The following CCBE1 variants were observed in gnomAD, a reference collection of about 807,000 sequenced individuals.
CCBE1 encodes the protein collagen and calcium binding EGF domains 1, also known as collagen and calcium-binding EGF domain-containing protein 1.
CCBE1 carries 37 observed loss-of-function variants against 50.0 expected under a neutral mutation model. The observed-to-expected ratio is 0.74, with a 90% CI of 0.57 to 0.97. The LOEUF is 0.97. Among genes scored for constraint, CCBE1 ranks in the 50% least tolerant of loss-of-function variants. The pLI, the probability that CCBE1 is intolerant of heterozygous loss-of-function variation, is 0.00. For synonymous variants in CCBE1, 234 were observed against 203.7 expected (o/e 1.15, Z -1.27); for missense variants, 538 against 523.8 (o/e 1.03, Z -0.26).
chr18:59,641,468 G>A (rs1457646882), intron 2 of CCBE1, among the ~76,000 whole-genome samples: 11 of 152,066 alleles, frequency 7.2e-5, no homozygotes, highest in Admixed American at 2.0e-4. Flanking sequence ...TGGGAGGAGG[G>A]TGAGGACCGA....
intron 2 of CCBE1, among the ~76,000 whole-genome samples, chr18:59,627,893 A>G: frequency 6.6e-6 from 1 of 152,204 alleles, no homozygotes; most frequent in East Asian, 1.9e-4. Context: ...AGGCATATTG[A>G]AAACCATACT....
At chr18:59,473,239 CTG>C (rs1912122560) in intron 3 of CCBE1, among the ~76,000 whole-genome samples, 1 of 152,264 alleles carries the variant, frequency 6.6e-6, no homozygotes, top group Non-Finnish European at 1.5e-5. Context: ...TACTGATAGT[CTG>C]TGTATATAAT....
intron 2 of CCBE1, among the ~76,000 whole-genome samples, chr18:59,551,697 C>G (rs909610203): frequency 1.3e-5 from 2 of 152,186 alleles, no homozygotes; most frequent in Non-Finnish European, 2.9e-5. Flanking sequence ...AAACTATTAA[C>G]ATTTCCAGTG....
intron 2 of CCBE1, among the ~76,000 whole-genome samples, chr18:59,693,003 C>CAAAAAAAA: frequency 6.8e-6 from 1 of 146,078 alleles, no homozygotes; most frequent in African/African-American, 2.6e-5. Flanking sequence ...CACACACACA[C>CAAAAAAAA]AAACAAAAAA....
chr18:59,673,702 T>A (rs951559529), intron 2 of CCBE1, among the ~76,000 whole-genome samples: 2 of 152,180 alleles, frequency 1.3e-5, no homozygotes, highest in African/African-American at 4.8e-5. Flanking sequence ...GAGATAATAA[T>A]GTGGTTTTTG....
At chr18:59,587,945 T>G (rs1180698059) in intron 2 of CCBE1, among the ~76,000 whole-genome samples, 5 of 152,160 alleles carry the variant, frequency 3.3e-5, no homozygotes, top group Admixed American at 1.3e-4. Flanking sequence ...AGAAAAGAAC[T>G]CTACAAAGAA....
At chr18:59,490,794 C>A (rs1913062869) in intron 2 of CCBE1, among the ~76,000 whole-genome samples, 1 of 152,170 alleles carries the variant, frequency 6.6e-6, no homozygotes, top group Non-Finnish European at 1.5e-5. Flanking sequence ...ATTAATTTTA[C>A]TTTTTTCACC....
At chr18:59,549,478 T>G (rs1195706820) in intron 2 of CCBE1, among the ~76,000 whole-genome samples, 1 of 152,154 alleles carries the variant, frequency 6.6e-6, no homozygotes, top group African/African-American at 2.4e-5. Flanking sequence ...ATTGCAGTAA[T>G]TGAAGCTGAT....
At chr18:59,587,594 G>C (rs961527755) in intron 2 of CCBE1, among the ~76,000 whole-genome samples, 1 of 152,154 alleles carries the variant, frequency 6.6e-6, no homozygotes. Context: ...GTCTGCTTAT[G>C]GTCTATAGGC....
At chr18:59,492,188 G>A (rs1004893330) in intron 2 of CCBE1, among the ~76,000 whole-genome samples, 7 of 149,796 alleles carry the variant, frequency 4.7e-5, no homozygotes, top group African/African-American at 1.7e-4. Context: ...TCTTGGTGTA[G>A]CCAGAGGTCT....
intron 2 of CCBE1, among the ~76,000 whole-genome samples, chr18:59,548,736 G>GAGGTGTTCAAT (rs11274505): frequency 0.66 from 99,304 of 151,314 alleles, 32,940 homozygotes; most frequent in East Asian, 0.79. Flanking sequence ...CAGATTACCT[G>GAGGTGTTCAAT]AGGTGTTCAA....
chr18:59,579,562 A>G (rs75578842), intron 2 of CCBE1, among the ~76,000 whole-genome samples: 6,946 of 152,256 alleles, frequency 0.046, 442 homozygotes, highest in African/African-American at 0.14. Flanking sequence ...TTTTAATCAG[A>G]TTTTATTTTG....
intron 2 of CCBE1, among the ~76,000 whole-genome samples, chr18:59,613,922 T>C (rs1388971698): frequency 3.7e-5 from 5 of 136,006 alleles, no homozygotes; most frequent in African/African-American, 1.3e-4. Context: ...TCACCCAGGC[T>C]GGAGTGCAAT....
At chr18:59,444,886 C>A (rs2143638940) in intron 7 of CCBE1, among the ~76,000 whole-genome samples, 1 of 152,152 alleles carries the variant, frequency 6.6e-6, no homozygotes, top group East Asian at 1.9e-4. Context: ...CTTTTCCCAT[C>A]TTTTTAATCA....
rs539795537 is a variant in CCBE1 at position 59,609,864 on chromosome 18, G to C, written c.212+86765C>G. 2.0e-5 allele frequency among the ~76,000 whole-genome samples: 3 copies of C among 152,250 alleles called. No homozygotes were observed. The East Asian group carries it at 5.8e-4, about 29-fold the overall frequency. ...TTCAAGATGATTGGGTAAGTACCAGGGATAATATTCAATGTGATTGGGCAA... is the reference window on the plus strand; with the variant it reads ...TTCAAGATGATTGGGTAAGTACCAGCGATAATATTCAATGTGATTGGGCAA... On this transcript the variant is annotated intron_variant, in intron 2 of 10. Coordinates refer to ENST00000439986, the MANE Select transcript of CCBE1 (RefSeq NM_133459.4).
intron 2 of CCBE1, among the ~76,000 whole-genome samples, chr18:59,491,344 G>A (rs1251964020): frequency 1.3e-5 from 2 of 152,138 alleles, no homozygotes; most frequent in African/African-American, 4.8e-5. Context: ...CTCACAGGGT[G>A]GATCCATTTG....
chr18:59,645,525 C>T (rs1435788434), intron 2 of CCBE1, among the ~76,000 whole-genome samples: 5 of 152,158 alleles, frequency 3.3e-5, no homozygotes. Context: ...TTCCTATATC[C>T]CATTCCATCA....
intron 2 of CCBE1, among the ~76,000 whole-genome samples, chr18:59,502,065 T>C (rs940858272): frequency 6.6e-6 from 1 of 152,170 alleles, no homozygotes; most frequent in African/African-American, 2.4e-5. Flanking sequence ...TCCCACCAAG[T>C]GCTGGGATTA....
At chr18:59,680,399 G>A (rs954331925) in intron 2 of CCBE1, among the ~76,000 whole-genome samples, 1 of 151,684 alleles carries the variant, frequency 6.6e-6, no homozygotes, top group Non-Finnish European at 1.5e-5. Context: ...CTTTGACAAC[G>A]CATGTAAAGA....
Sources: allele counts gnomAD v4.1 joint callset (sites outside exome capture counted in the v4.1 genomes callset), GRCh38; gene constraint gnomAD v4.1.1; transcripts MANE v1.5; gene names NCBI Gene and HGNC (gene_info 2026-07-23, HGNC 2026-07-21).